Variants in SPTLC2 observed in about 807,000 individuals in gnomAD.
SPTLC2 encodes serine palmitoyltransferase 2.
Under a neutral mutation model 62.0 loss-of-function variants are expected in SPTLC2, and 21 were observed. The ratio of observed to expected loss-of-function variants is 0.34; its 90% CI spans 0.24 to 0.49. The LOEUF (loss-of-function observed/expected upper bound fraction) is 0.49, where lower values mean the gene tolerates loss of function less well. Ranked by LOEUF, SPTLC2 falls within the 20% of genes least tolerant of loss-of-function variation. The probability of loss-of-function intolerance (pLI) is 0.99; values close to 1 mark genes in which losing one functional copy is unlikely to be tolerated. For synonymous variants in SPTLC2, 261 were observed against 261.8 expected (o/e 1.00, Z 0.03); for missense variants, 511 against 713.0 (o/e 0.72, Z 3.23).
At chr14:77,613,149 T>G (rs536131481) in intron 1 of SPTLC2, among the ~76,000 whole-genome samples, 1 of 152,134 alleles carries the variant, frequency 6.6e-6, no homozygotes, top group Non-Finnish European at 1.5e-5. Context: ...AGGAAGAAAT[T>G]TGGTAATTAA....
chr14:77,574,562 G>T (rs1264091123), intron 4 of SPTLC2, among the ~76,000 whole-genome samples: 1 of 152,196 alleles, frequency 6.6e-6, no homozygotes, highest in Non-Finnish European at 1.5e-5. Context: ...CAGCAGCACT[G>T]CTGACAATAG....
chr14:77,609,521 A>C (rs1197520359), intron 1 of SPTLC2, among the ~76,000 whole-genome samples: 1 of 152,176 alleles, frequency 6.6e-6, no homozygotes, highest in East Asian at 1.9e-4. Context: ...TGGATCACTT[A>C]GGTCAGGAGT....
chr14:77,523,060 A>G (rs544056840), intron 9 of SPTLC2, among the ~76,000 whole-genome samples: 1 of 152,332 alleles, frequency 6.6e-6, no homozygotes, highest in Admixed American at 6.5e-5. Flanking sequence ...AGCATCATTT[A>G]TGTCATCGCT....
At chr14:77,573,327 G>C (rs976892739) in intron 4 of SPTLC2, among the ~76,000 whole-genome samples, 1 of 152,106 alleles carries the variant, frequency 6.6e-6, no homozygotes. Flanking sequence ...ATAGCTAGAC[G>C]AGAGGACTTG....
intron 9 of SPTLC2, among the ~76,000 whole-genome samples, chr14:77,538,246 A>C (rs922035176): frequency 6.6e-6 from 1 of 152,232 alleles, no homozygotes; most frequent in African/African-American, 2.4e-5. Context: ...ATTATCATCC[A>C]GGTGAGGCAA....
chr14:77,513,508 A>G (rs2079343351), intron 11 of SPTLC2, among the ~76,000 whole-genome samples: 2 of 152,220 alleles, frequency 1.3e-5, no homozygotes, highest in African/African-American at 4.8e-5. Flanking sequence ...AAAGCTCCAC[A>G]TGGAAACAAT....
chr14:77,550,955 C>A (rs2079552550), intron 9 of SPTLC2, among the ~76,000 whole-genome samples: 1 of 149,904 alleles, frequency 6.7e-6, no homozygotes, highest in Non-Finnish European at 1.5e-5. Context: ...CAGTCTTAAA[C>A]CAACCAAAAT....
intron 1 of SPTLC2, among the ~76,000 whole-genome samples, chr14:77,614,835 A>C (rs1164060183): frequency 7.3e-6 from 1 of 137,076 alleles, no homozygotes; most frequent in South Asian, 2.5e-4. Flanking sequence ...GCCGGGCGTG[A>C]TGACGGGCGC....
In SPTLC2 at chr14:77,581,445, T is replaced by A. The variant is rs143171234; in HGVS notation, c.328-2336A>T. Reference sequence around the variant, plus strand: ...TTTTTTTTGAGGCAGAGTTTCACTCTTGTTGCCCAGGCTGGAGTGTAATGG... The same window carrying A: ...TTTTTTTTGAGGCAGAGTTTCACTCATGTTGCCCAGGCTGGAGTGTAATGG... On this transcript the variant is annotated intron_variant, in intron 2 of 11. Transcript: ENST00000216484. Among the ~76,000 whole-genome samples, 33 of 135,020 alleles carry A rather than the reference T, an allele frequency of 2.4e-4. No individual in the cohort carries two copies. In the East Asian group the frequency reaches 6.0e-3, roughly 24 times the overall value. The allele number at this position is 135,020 out of a possible 152,430, so 88.6% of individuals were successfully genotyped here. A position where few individuals can be genotyped will look rare whatever the true frequency, so the allele number is the denominator to read the frequency against.
At chr14:77,573,528 TAAATA>T (rs2079696209) in intron 4 of SPTLC2, among the ~76,000 whole-genome samples, 1 of 94,498 alleles carries the variant, frequency 1.1e-5, no homozygotes, top group African/African-American at 3.6e-5. Flanking sequence ...AATAAATAAA[TAAATA>T]AAATGAGGCC....
intron 9 of SPTLC2, among the ~76,000 whole-genome samples, chr14:77,544,751 C>T (rs979507731): frequency 1.3e-5 from 2 of 152,190 alleles, no homozygotes; most frequent in South Asian, 2.1e-4. Context: ...CCTGACGTTG[C>T]GCCTCCTTCT....
At chr14:77,611,984 A>C (rs1566795696) in intron 1 of SPTLC2, among the ~76,000 whole-genome samples, 1 of 152,258 alleles carries the variant, frequency 6.6e-6, no homozygotes, top group Non-Finnish European at 1.5e-5. Context: ...AGACAAACTT[A>C]AGATAAATTT....
chr14:77,531,507 C>CTCTTCTTCTTCT (rs1397153203), intron 9 of SPTLC2, among the ~76,000 whole-genome samples: 16 of 65,380 alleles, frequency 2.4e-4, no homozygotes, highest in Non-Finnish European at 3.4e-4. Flanking sequence ...CCTCCTCCTC[C>CTCTTCTTCTTCT]TCTTCTTCTT....
intron 1 of SPTLC2, among the ~76,000 whole-genome samples, chr14:77,604,158 G>A (rs760679306): frequency 5.3e-5 from 8 of 152,144 alleles, no homozygotes; most frequent in Non-Finnish European, 1.0e-4. Flanking sequence ...ATATTTCCTG[G>A]ACCATAACTG....
chr14:77,555,607 G>A, intron 7 of SPTLC2, 88 bp from the exon 8 acceptor site: 1 of 1,273,010 alleles, frequency 7.9e-7, no homozygotes, highest in South Asian at 1.3e-5. Flanking sequence ...CATTATTATT[G>A]AGTTTACTGC....
intron 1 of SPTLC2, among the ~76,000 whole-genome samples, chr14:77,608,719 CTG>C (rs2079918410): frequency 6.6e-6 from 1 of 150,820 alleles, no homozygotes; most frequent in African/African-American, 2.5e-5. Context: ...GAAGAGAACT[CTG>C]TGAAAAAGCT....
chr14:77,550,372 C>T (rs61990765), intron 9 of SPTLC2, among the ~76,000 whole-genome samples: 4 of 152,116 alleles, frequency 2.6e-5, no homozygotes, highest in East Asian at 1.9e-4. Flanking sequence ...GTCGGGAGTT[C>T]GAGACCAGCC....
chr14:77,548,969 C>G (rs1396729690), intron 9 of SPTLC2, among the ~76,000 whole-genome samples: 1 of 152,144 alleles, frequency 6.6e-6, no homozygotes, highest in Non-Finnish European at 1.5e-5. Context: ...ACTTAATGTA[C>G]TCTGGAATCC....
chr14:77,603,995 C>T (rs755450809), intron 1 of SPTLC2, among the ~76,000 whole-genome samples: 5 of 152,232 alleles, frequency 3.3e-5, no homozygotes, highest in Non-Finnish European at 7.3e-5. Context: ...ATACCATTCC[C>T]TCCACTCTGC....
Sources: gnomAD v4.1 joint callset for allele counts (sites outside exome capture counted in the v4.1 genomes callset) on GRCh38, gnomAD v4.1.1 for gene constraint, MANE v1.5 for transcripts, NCBI Gene and HGNC (gene_info 2026-07-23, HGNC 2026-07-21) for gene names.